The following NRG3 variants were observed in gnomAD, a reference collection of about 807,000 sequenced individuals.
NRG3 encodes the protein pro-neuregulin-3, membrane-bound isoform.
NRG3 carries 31 observed loss-of-function variants against 66.9 expected under a neutral mutation model. The ratio of observed to expected loss-of-function variants is 0.46; its 90% CI spans 0.35 to 0.63. NRG3 has a LOEUF of 0.63. Ranked by LOEUF, NRG3 falls within the 20% of genes least tolerant of loss-of-function variation. NRG3 has a pLI of 0.00. For missense variants in NRG3, 910 were observed against 878.9 expected, an observed-to-expected ratio of 1.04 and a Z score of -0.45; for synonymous variants, 393 against 359.4, an observed-to-expected ratio of 1.09 and a Z score of -1.06.
chr10:82,895,158 T>C (rs1843529722), intron 4 of NRG3, among the ~76,000 whole-genome samples: 1 of 152,168 alleles, frequency 6.6e-6, no homozygotes, highest in Non-Finnish European at 1.5e-5. Context: ...GGGACTAGTT[T>C]TATGATTCAT....
At chr10:82,891,747 A>T (rs1843168126) in intron 4 of NRG3, among the ~76,000 whole-genome samples, 1 of 151,964 alleles carries the variant, frequency 6.6e-6, no homozygotes, top group African/African-American at 2.4e-5. Flanking sequence ...TCTCTCTTAA[A>T]TTTAAATATT....
chr10:82,004,973 A>G (rs550355313), intron 1 of NRG3, among the ~76,000 whole-genome samples: 2 of 152,246 alleles, frequency 1.3e-5, no homozygotes, highest in Non-Finnish European at 2.9e-5. Flanking sequence ...CTAGCAAATG[A>G]GTACATACTG....
At position 82,524,849 on chromosome 10, in the gene NRG3, C is replaced by G. The variant is rs368514398; in HGVS notation, c.953+165981C>G. Among the ~76,000 whole-genome samples, 9 of 151,946 alleles carry G rather than the reference C, an allele frequency of 5.9e-5. 1 individual carries two copies. Among genetic ancestry groups the G allele is most frequent in the African/African-American group, 2.2e-4 (9 of 41,534 alleles). ...TCCAGAGTAATTTCACTGGGACCCTCCTATGGTACTTAGCATTTTCTACAT... is the reference window on the plus strand; with the variant it reads ...TCCAGAGTAATTTCACTGGGACCCTGCTATGGTACTTAGCATTTTCTACAT... On this transcript the variant is annotated intron_variant, in intron 2 of 8. Transcript: ENST00000372141.
chr10:82,882,091 A>C (rs1399315470), intron 4 of NRG3, among the ~76,000 whole-genome samples: 3 of 152,126 alleles, frequency 2.0e-5, no homozygotes, highest in Admixed American at 1.3e-4. Flanking sequence ...GTGATTGTCC[A>C]TGCCCGTCTT....
At chr10:82,060,022 T>C (rs2064059909) in intron 1 of NRG3, among the ~76,000 whole-genome samples, 1 of 152,188 alleles carries the variant, frequency 6.6e-6, no homozygotes, top group Admixed American at 6.5e-5. Context: ...GTTTCCTCCT[T>C]TAAAAATGGG....
chr10:82,499,878 T>C (rs1353485665), intron 2 of NRG3, among the ~76,000 whole-genome samples: 4 of 152,158 alleles, frequency 2.6e-5, no homozygotes, highest in Admixed American at 6.5e-5. Flanking sequence ...TTGAAAGTTG[T>C]GATAATCTAA....
At chr10:82,099,389 C>G (rs2066584156) in intron 1 of NRG3, among the ~76,000 whole-genome samples, 1 of 152,110 alleles carries the variant, frequency 6.6e-6, no homozygotes, top group South Asian at 2.1e-4. Flanking sequence ...CTTTCTGGAG[C>G]CTATTCAATT....
chr10:82,497,375 C>G (rs1209009192), intron 2 of NRG3, among the ~76,000 whole-genome samples: 1 of 152,016 alleles, frequency 6.6e-6, no homozygotes, highest in Non-Finnish European at 1.5e-5. Flanking sequence ...TTATTATTCC[C>G]CTGCAGCCCT....
intron 1 of NRG3, among the ~76,000 whole-genome samples, chr10:82,053,029 TTTTA>T (rs1266393365): frequency 6.9e-6 from 1 of 145,946 alleles, no homozygotes; most frequent in African/African-American, 2.5e-5. Context: ...TATCAAATGT[TTTTA>T]TTCATTCATT....
chr10:82,636,241 C>G (rs10885065), intron 2 of NRG3, among the ~76,000 whole-genome samples: 11 of 142,082 alleles, frequency 7.7e-5, no homozygotes, highest in South Asian at 2.3e-4. Context: ...GTGTGTGTGT[C>G]TGTGTGTGTG....
chr10:82,827,942 T>C (rs1304857437), intron 3 of NRG3, among the ~76,000 whole-genome samples: 1 of 152,234 alleles, frequency 6.6e-6, no homozygotes, highest in Non-Finnish European at 1.5e-5. Flanking sequence ...CTTTGAACTT[T>C]TTTTAATTCT....
At chr10:81,913,104 G>A (rs1286700095) in intron 1 of NRG3, among the ~76,000 whole-genome samples, 2 of 152,030 alleles carry the variant, frequency 1.3e-5, no homozygotes, top group Non-Finnish European at 2.9e-5. Context: ...CAGATTATAC[G>A]TATAAAACAA....
intron 2 of NRG3, among the ~76,000 whole-genome samples, chr10:82,575,895 A>C (rs1387190434): frequency 6.6e-6 from 1 of 151,704 alleles, no homozygotes; most frequent in Non-Finnish European, 1.5e-5. Context: ...GTGAAGCTTC[A>C]TAAGTGTTTG....
intron 3 of NRG3, among the ~76,000 whole-genome samples, chr10:82,784,963 C>T (rs546236434): frequency 1.2e-4 from 18 of 152,194 alleles, no homozygotes; most frequent in East Asian, 5.8e-4. Context: ...CCCAAATGTC[C>T]GACAATGGTA....
chr10:82,114,653 A>G (rs1174288112), intron 1 of NRG3, among the ~76,000 whole-genome samples: 1 of 152,156 alleles, frequency 6.6e-6, no homozygotes, highest in African/African-American at 2.4e-5. Context: ...ATTCATCTTT[A>G]GGAATTTCTT....
At chr10:81,910,772 C>T (rs994278405) in intron 1 of NRG3, among the ~76,000 whole-genome samples, 3 of 152,106 alleles carry the variant, frequency 2.0e-5, no homozygotes, top group Non-Finnish European at 4.4e-5. Context: ...CTATGTCTGT[C>T]TCCTGAGTAG....
intron 2 of NRG3, among the ~76,000 whole-genome samples, chr10:82,644,000 G>A (rs887412872): frequency 2.0e-5 from 3 of 152,002 alleles, no homozygotes; most frequent in Non-Finnish European, 2.9e-5. Context: ...GGAAACCCTG[G>A]ATATAGGGGT....
At chr10:82,587,738 G>C (rs2046757421) in intron 2 of NRG3, among the ~76,000 whole-genome samples, 1 of 152,154 alleles carries the variant, frequency 6.6e-6, no homozygotes, top group South Asian at 2.1e-4. Flanking sequence ...TCTCTGTTTA[G>C]AGTCAGTAAA....
In NRG3 at chr10:82,166,821, A is replaced by G. The variant is rs750410641; in HGVS notation, c.824-191918A>G. The G allele has an allele frequency of 4.5e-6, 3 of 670,692 alleles. No homozygotes were observed. In the South Asian group the frequency reaches 4.8e-5, roughly 11 times the overall value. The allele number at this position is 670,692 out of a possible 1,614,324, so 41.5% of individuals were successfully genotyped here. ...GGTCTGCTGCTGACGAATTCATACA[A>G]ATTTTGTAAGTCTGAAACAGTCTTT... On this transcript the variant is annotated intron_variant, in intron 1 of 8. Coordinates refer to ENST00000372141, the MANE Select transcript of NRG3 (RefSeq NM_001010848.4).
Sources: gnomAD v4.1 joint callset for allele counts (sites outside exome capture counted in the v4.1 genomes callset) on GRCh38, gnomAD v4.1.1 for gene constraint, MANE v1.5 for transcripts, NCBI Gene and HGNC (gene_info 2026-07-23, HGNC 2026-07-21) for gene names.